IL7: variants seen among roughly 807,000 people sequenced by gnomAD.
IL7 encodes the protein interleukin 7, also known as interleukin-7.
Under a neutral mutation model 21.6 loss-of-function variants are expected in IL7, and 3 were observed. That is an observed-to-expected ratio of 0.14 (90% CI 0.06 to 0.36). The LOEUF (loss-of-function observed/expected upper bound fraction) is 0.36, where lower values mean the gene tolerates loss of function less well. IL7 is among the 10% of genes least tolerant of loss of function. The pLI, the probability that IL7 is intolerant of heterozygous loss-of-function variation, is 1.00. For synonymous variants in IL7, 62 were observed against 68.1 expected (o/e 0.91, Z 0.44); for missense variants, 175 against 200.2 (o/e 0.87, Z 0.76).
intron 1 of IL7, 32 bp from the exon 2 acceptor site, chr8:78,798,240 A>C: frequency 6.5e-7 from 1 of 1,532,392 alleles, no homozygotes; most frequent in Non-Finnish European, 9.0e-7. Context: ...AATGAGCTAA[A>C]TGTTATATCG....
chr8:78,803,334 T>G (rs1248558037), intron 1 of IL7, among the ~76,000 whole-genome samples: 2 of 152,118 alleles, frequency 1.3e-5, no homozygotes, highest in Non-Finnish European at 2.9e-5. Context: ...GGTCCTCAAA[T>G]ATGATGAAAT....
intron 3 of IL7, among the ~76,000 whole-genome samples, chr8:78,725,264 C>T (rs1811320895): frequency 6.6e-6 from 1 of 151,924 alleles, no homozygotes. Flanking sequence ...TGGAGAGACA[C>T]AGAGCTTCTA....
chr8:78,734,819 G>A (rs1811518106), intron 5 of IL7, among the ~76,000 whole-genome samples: 1 of 152,086 alleles, frequency 6.6e-6, no homozygotes, highest in Non-Finnish European at 1.5e-5. Flanking sequence ...ATATGAACTT[G>A]ATGATTTGAA....
At chr8:78,748,921 G>T (rs1283367788) in intron 2 of IL7, among the ~76,000 whole-genome samples, 1 of 152,086 alleles carries the variant, frequency 6.6e-6, no homozygotes, top group Non-Finnish European at 1.5e-5. Flanking sequence ...ATATTAAGCA[G>T]ATATATTTGT....
At chr8:78,760,057 T>C in intron 2 of IL7, 1 of 1,313,402 alleles carries the variant, frequency 7.6e-7, no homozygotes, top group Non-Finnish European at 1.0e-6. Flanking sequence ...TAGGCAAAGA[T>C]ATTTAGTGAT....
chr8:78,703,786 G>A (rs1810683277), intron 3 of IL7, among the ~76,000 whole-genome samples: 1 of 152,104 alleles, frequency 6.6e-6, no homozygotes, highest in Non-Finnish European at 1.5e-5. Context: ...TTACATTTAA[G>A]ACTAGTATTG....
At chr8:78,770,025 A>G (rs1812898306) in intron 2 of IL7, among the ~76,000 whole-genome samples, 1 of 152,204 alleles carries the variant, frequency 6.6e-6, no homozygotes, top group South Asian at 2.1e-4. Context: ...ACCTGATACA[A>G]AAAATAATTC....
chr8:78,711,315 C>G (rs1466653381), intron 3 of IL7, among the ~76,000 whole-genome samples: 1 of 152,088 alleles, frequency 6.6e-6, no homozygotes, highest in Non-Finnish European at 1.5e-5. Context: ...ATCCTACAAA[C>G]CTGCAGTTTG....
intron 2 of IL7, among the ~76,000 whole-genome samples, chr8:78,755,506 G>C (rs1005735384): frequency 6.6e-6 from 1 of 151,868 alleles, no homozygotes; most frequent in African/African-American, 2.4e-5. Context: ...TCTTTCATTA[G>C]TGTTTTGTAG....
chr8:78,796,870 C>T (rs1350948236), intron 2 of IL7, among the ~76,000 whole-genome samples: 1 of 151,984 alleles, frequency 6.6e-6, no homozygotes, highest in Non-Finnish European at 1.5e-5. Flanking sequence ...TAAACACAGT[C>T]TTACCATATG....
At chr8:78,699,193 C>CTTAATTTAATCCTTTTTTA (rs1292263935) in intron 3 of IL7, among the ~76,000 whole-genome samples, 2 of 152,022 alleles carry the variant, frequency 1.3e-5, no homozygotes, top group East Asian at 1.9e-4. Context: ...GGGTGATTCT[C>CTTAATTTAATCCTTTTTTA]TTAATTTAAT....
At chr8:78,770,054 A>C (rs1812899251) in intron 2 of IL7, among the ~76,000 whole-genome samples, 1 of 152,220 alleles carries the variant, frequency 6.6e-6, no homozygotes, top group Non-Finnish European at 1.5e-5. Context: ...TTAAAGACTT[A>C]AATGTTAGGC....
intron 3 of IL7, chr8:78,697,353 A>C: frequency 7.1e-7 from 1 of 1,415,374 alleles, no homozygotes; most frequent in African/African-American, 1.5e-5. Flanking sequence ...CCACTACTTT[A>C]CAATCCATAA....
intron 2 of IL7, among the ~76,000 whole-genome samples, chr8:78,756,347 C>A (rs1812346684): frequency 6.6e-6 from 1 of 151,708 alleles, no homozygotes; most frequent in East Asian, 1.9e-4. Flanking sequence ...AAGAAGAATT[C>A]TCTCCTTTTC....
chr8:78,771,114 T>C (rs1812934608), intron 2 of IL7, among the ~76,000 whole-genome samples: 1 of 152,066 alleles, frequency 6.6e-6, no homozygotes, highest in African/African-American at 2.4e-5. Flanking sequence ...CAGATCTTAT[T>C]ATGTCAGAAA....
intron 5 of IL7, among the ~76,000 whole-genome samples, chr8:78,735,276 C>CTTTTTTTTTTT: frequency 3.9e-3 from 300 of 77,894 alleles, no homozygotes; most frequent in East Asian, 8.9e-3. Flanking sequence ...CTTTTCTTTT[C>CTTTTTTTTTTT]TTTTTTTTTT....
At chr8:78,750,693 G>A (rs1008259175) in intron 2 of IL7, among the ~76,000 whole-genome samples, 4 of 152,036 alleles carry the variant, frequency 2.6e-5, no homozygotes, top group Admixed American at 6.6e-5. Context: ...ACATGGTGGC[G>A]GGCACCTGTA....
chr8:78,696,925 G>A, intron 3 of IL7, among the ~76,000 whole-genome samples: 1 of 152,104 alleles, frequency 6.6e-6, no homozygotes. Flanking sequence ...TTTGTTTGGT[G>A]TTTAAAATCT....
chr8:78,707,722 A>C (rs1363835395), intron 3 of IL7, among the ~76,000 whole-genome samples: 1 of 152,204 alleles, frequency 6.6e-6, no homozygotes, highest in African/African-American at 2.4e-5. Context: ...AAGCTTTCCA[A>C]CTACTGGAAA....
Sources: allele counts gnomAD v4.1 joint callset (sites outside exome capture counted in the v4.1 genomes callset), GRCh38; gene constraint gnomAD v4.1.1; transcripts MANE v1.5; gene names NCBI Gene and HGNC (gene_info 2026-07-23, HGNC 2026-07-21).